ACSBG1: variants seen among roughly 807,000 people sequenced by gnomAD.
ACSBG1 encodes the protein long-chain-fatty-acid--CoA ligase ACSBG1.
A neutral mutation model predicts 80.2 loss-of-function variants in ACSBG1; 39 were observed. The observed-to-expected ratio is 0.49, with a 90% CI of 0.38 to 0.64. The LOEUF (loss-of-function observed/expected upper bound fraction) is 0.64, where lower values mean the gene tolerates loss of function less well. Ranked by LOEUF, ACSBG1 falls within the 30% of genes least tolerant of loss-of-function variation. The pLI is 0.00. For synonymous variants in ACSBG1, 392 were observed against 379.5 expected (o/e 1.03, Z -0.38); for missense variants, 828 against 966.4 (o/e 0.86, Z 1.90).
intron 2 of ACSBG1, among the ~76,000 whole-genome samples, chr15:78,205,968 A>G (rs1340808482): frequency 6.6e-6 from 1 of 152,124 alleles, no homozygotes; most frequent in Non-Finnish European, 1.5e-5. Flanking sequence ...CGCGGTGGAC[A>G]CGCCATCCAT....
chr15:78,185,052 GGA>G (rs35144005), intron 5 of ACSBG1, among the ~76,000 whole-genome samples: 81,609 of 140,832 alleles, frequency 0.58, 24,049 homozygotes, highest in Admixed American at 0.68. Flanking sequence ...CGGAGGGGAG[GGA>G]GAGAGAGAGA....
At chr15:78,232,687 CTTTTTT>C (rs1270103449) in intron 1 of ACSBG1, among the ~76,000 whole-genome samples, 2 of 144,350 alleles carry the variant, frequency 1.4e-5, no homozygotes, top group Non-Finnish European at 3.1e-5. Context: ...TCTTTTTCTT[CTTTTTT>C]TTTTTTTTGA....
At chr15:78,221,817 A>G (rs1399614901) in intron 1 of ACSBG1, among the ~76,000 whole-genome samples, 2 of 152,216 alleles carry the variant, frequency 1.3e-5, no homozygotes, top group Non-Finnish European at 2.9e-5. Flanking sequence ...ACTGCCTGCA[A>G]ACATATTGTT....
rs2074912255 is a variant in ACSBG1, at chr15:78,178,915, G to A, written c.1485-84C>T. On this transcript the variant is annotated intron_variant, in intron 10 of 13. Coordinates refer to ENST00000258873, the MANE Select transcript of ACSBG1 (RefSeq NM_015162.5). This position sits in a 1 kb window ranked among gnomAD's most constrained non-coding sequence, Gnocchi z 4.3. ...TGGGGAGCCGGGGTCCCAACTGCTCGGTCTTCACTGATTGCTAGAAGGTAT... is the reference window on the plus strand; with the variant it reads ...TGGGGAGCCGGGGTCCCAACTGCTCAGTCTTCACTGATTGCTAGAAGGTAT... The A allele has an allele frequency of 4.5e-6, 6 of 1,345,474 alleles. No homozygotes were observed. Among genetic ancestry groups the A allele is most frequent in the South Asian group, 1.4e-5 (1 of 70,800 alleles). The allele number at this position is 1,345,474 out of a possible 1,614,324, so 83.3% of individuals were successfully genotyped here.
Position 78,168,763 on chromosome 15 carries a change from A to G in ACSBG1, c.*2681T>C, listed in dbSNP as rs1010737896. On this transcript the variant is annotated 3_prime_UTR_variant, in exon 14 of 14. Transcript: ENST00000258873. ...GGATCCCGATCCTCCTGGGCTGGGT[A>G]GATGGTGGTGGAGTGGTTCCTCACT... The G allele has an allele frequency of 3.3e-6, 2 of 610,508 alleles. No individual in the cohort carries two copies. The highest frequency in any genetic ancestry group is 2.6e-5 in the East Asian group (1 of 38,342). The allele number at this position is 610,508 out of a possible 1,614,324, so 37.8% of individuals were successfully genotyped here.
chr15:78,226,298 C>A (rs576640593), intron 1 of ACSBG1, among the ~76,000 whole-genome samples: 44 of 152,244 alleles, frequency 2.9e-4, no homozygotes, highest in Admixed American at 7.2e-4. Context: ...ATCCAGCCCA[C>A]GTTCTAGGGT....
At position 78,178,820 on chromosome 15, in the gene ACSBG1, A is replaced by G. The variant is rs1309476151; in HGVS notation, c.1496T>C (p.Leu499Ser). 1 of 1,611,988 alleles carries G rather than the reference A, an allele frequency of 6.2e-7. No homozygotes were observed. Among genetic ancestry groups the G allele is most frequent in the South Asian group, 1.1e-5 (1 of 90,966 alleles). ...CAGCTTCACCCGACAGCCGGGCACC[A>G]ACTTGCCTGAGCTGGCGAGGGAGGG... ...YNYRLYSSGK[L>S]VPGCRVKLVN... The change falls in exon 11 of 14, where the codon TTG becomes TCG. Residue 499 changes from leucine (L) to serine (S), a missense_variant. Around this residue, in one of 3 missense-constraint regions of ACSBG1, gnomAD observed 271 missense variants for 375.9 expected, o/e 0.72. Transcript: ENST00000258873. The surrounding 1 kb of genome is among the most constrained non-coding windows in gnomAD (Gnocchi z 4.3).
chr15:78,197,826 C>T (rs937668639), intron 2 of ACSBG1, among the ~76,000 whole-genome samples: 2 of 151,792 alleles, frequency 1.3e-5, no homozygotes, highest in African/African-American at 2.4e-5. Context: ...CATCCAGTTG[C>T]CTCTCAGTGG....
At chr15:78,181,010 G>T in intron 8 of ACSBG1, 74 bp from the exon 9 acceptor site, 1 of 1,542,478 alleles carries the variant, frequency 6.5e-7, no homozygotes. Context: ...TTACCAGCCA[G>T]GCATGCCGGT....
chr15:78,206,103 A>ATGCC (rs1437198896), intron 2 of ACSBG1, among the ~76,000 whole-genome samples: 1 of 152,132 alleles, frequency 6.6e-6, no homozygotes, highest in Non-Finnish European at 1.5e-5. Context: ...GGAGCCCATG[A>ATGCC]TGCCTGCTTA....
At chr15:78,208,289 T>C (rs1369338465) in intron 1 of ACSBG1, among the ~76,000 whole-genome samples, 187 bp from the exon 2 acceptor site, 1 of 151,938 alleles carries the variant, frequency 6.6e-6, no homozygotes, top group Non-Finnish European at 1.5e-5. Flanking sequence ...ACCTCAGTGG[T>C]TGTAGGGGCT....
Position 78,171,125 on chromosome 15 carries a change from G to A in ACSBG1, c.*319C>T, listed in dbSNP as rs1255884037. ...TGCTGGCTGTCCTGTATGTGAGCTA[G>A]CAGCTTTTTAATCTACCTGGAACTA... On this transcript the variant is annotated 3_prime_UTR_variant, in exon 14 of 14. Transcript: ENST00000258873. 8 of 213,178 alleles carry A rather than the reference G, an allele frequency of 3.8e-5. No individual in the cohort carries two copies. The highest frequency in any genetic ancestry group is 1.9e-5 in the Non-Finnish European group (2 of 105,526). The allele number at this position is 213,178 out of a possible 1,614,324, so 13.2% of individuals were successfully genotyped here.
chr15:78,168,800 A>T lies in ACSBG1; in HGVS notation c.*2644T>A, dbSNP rs1007830618. The T allele has an allele frequency of 1.5e-6, 1 of 654,538 alleles. No individual in the cohort carries two copies. The highest frequency in any genetic ancestry group is 2.6e-4 in the Middle Eastern group (1 of 3,888). The allele number at this position is 654,538 out of a possible 1,614,324, so 40.5% of individuals were successfully genotyped here. The stretch of plus-strand genomic sequence containing the variant: ...AGTGGTTCCTCACTTTGAAATGAGG[A>T]ACTAAATGAAAGAGCAGCCGAGTAA... On this transcript the variant is annotated 3_prime_UTR_variant, in exon 14 of 14. Coordinates refer to ENST00000258873, the MANE Select transcript of ACSBG1 (RefSeq NM_015162.5).
Position 78,179,510 on chromosome 15 carries a change from G to A in ACSBG1, c.1484+40C>T, listed in dbSNP as rs370364309. The stretch of plus-strand genomic sequence containing the variant: ...AGGCGGGCACAAAGTACCAGCAAGG[G>A]CGCATGGGTGTGCATGTGTGTGGCA... On this transcript the variant is annotated intron_variant, in intron 10 of 13. Coordinates refer to ENST00000258873, the MANE Select transcript of ACSBG1 (RefSeq NM_015162.5). The A allele has an allele frequency of 6.0e-5, 95 of 1,571,360 alleles. No homozygotes were observed. The African/African-American group carries it at 1.2e-3, about 20-fold the overall frequency.
intron 11 of ACSBG1, chr15:78,174,797 C>A: frequency 2.1e-6 from 1 of 486,310 alleles, no homozygotes. Flanking sequence ...CCATGGCCCC[C>A]TTCTGCCAGT....
At chr15:78,183,375 G>A (rs1248455169) in intron 5 of ACSBG1, among the ~76,000 whole-genome samples, 2 of 152,086 alleles carry the variant, frequency 1.3e-5, no homozygotes, top group Non-Finnish European at 2.9e-5. Context: ...TCAGGAGTTC[G>A]AGACCAGCCT....
rs1277157056 is a variant in ACSBG1 at position 78,173,693 on chromosome 15, C to T, written c.1989G>A (p.Glu663=). Residue 663 remains glutamate (E), a synonymous_variant, in exon 13 of 14, where the codon GAG becomes GAA. Transcript: ENST00000258873. ...KDEAVYQAIE[E]GIRRVNMNAA... Reference sequence around the variant, plus strand: ...CGTTCATGTTGACCCTCCGGATCCCCTCTTCGATGGCCTGGTACACGGCCT... The same window carrying T: ...CGTTCATGTTGACCCTCCGGATCCCTTCTTCGATGGCCTGGTACACGGCCT... 1 of 1,614,256 alleles carries T rather than the reference C, an allele frequency of 6.2e-7. No homozygotes were observed. Among genetic ancestry groups the T allele is most frequent in the East Asian group, 2.2e-5 (1 of 44,888 alleles).
chr15:78,207,782 A>G (rs927474957), intron 2 of ACSBG1: 1 of 553,060 alleles, frequency 1.8e-6, no homozygotes, highest in Non-Finnish European at 3.2e-6. Context: ...TGAAGAAGAA[A>G]TCTCCCCATC....
chr15:78,194,770 G>C (rs760791338), intron 2 of ACSBG1, 44 bp from the exon 3 acceptor site: 1 of 1,588,154 alleles, frequency 6.3e-7, no homozygotes, highest in Admixed American at 1.7e-5. Context: ...GCCAGCCTGG[G>C]GACACTTGTC....
Sources: allele counts gnomAD v4.1 joint callset (sites outside exome capture counted in the v4.1 genomes callset), GRCh38; gene constraint gnomAD v4.1.1; regional missense constraint gnomAD v4.1.1; non-coding constraint Gnocchi (gnomAD v3.1); transcripts MANE v1.5; gene names NCBI Gene and HGNC (gene_info 2026-07-23, HGNC 2026-07-21).